Variants in PAFAH1B2 observed in about 807,000 individuals in gnomAD.
The protein encoded by PAFAH1B2 is platelet-activating factor acetylhydrolase IB subunit alpha2.
In PAFAH1B2, 8 loss-of-function variants were observed where a neutral mutation model predicts 28.0. The ratio of observed to expected loss-of-function variants is 0.29; its 90% CI spans 0.17 to 0.52. The LOEUF (loss-of-function observed/expected upper bound fraction) is 0.52, where lower values mean the gene tolerates loss of function less well. PAFAH1B2 is among the 20% of genes least tolerant of loss of function. PAFAH1B2 has a pLI of 0.97. For missense variants in PAFAH1B2, 190 were observed against 282.6 expected, an observed-to-expected ratio of 0.67 and a Z score of 2.35; for synonymous variants, 104 against 103.2, an observed-to-expected ratio of 1.01 and a Z score of -0.05.
At chr11:117,146,229 G>C (rs1166943052) in intron 1 of PAFAH1B2, among the ~76,000 whole-genome samples, 1 of 150,968 alleles carries the variant, frequency 6.6e-6, no homozygotes, top group South Asian at 2.1e-4. Flanking sequence ...CAAGCTTATA[G>C]GCATGTGCCA....
intron 1 of PAFAH1B2, among the ~76,000 whole-genome samples, chr11:117,148,051 T>C (rs552359241): frequency 6.7e-6 from 1 of 149,604 alleles, no homozygotes; most frequent in African/African-American, 2.5e-5. Flanking sequence ...TTTTCTTTTT[T>C]TTTTCTTTTT....
downstream of PAFAH1B2, among the ~76,000 whole-genome samples, chr11:117,171,329 A>T (rs1443445755): frequency 6.6e-6 from 1 of 152,184 alleles, no homozygotes; most frequent in East Asian, 1.9e-4. Context: ...GTTAGTCTGG[A>T]TTATAGGCTG....
chr11:117,171,512 G>C (rs375466162), downstream of PAFAH1B2: 12 of 581,072 alleles, frequency 2.1e-5, no homozygotes, highest in Non-Finnish European at 3.4e-5. Flanking sequence ...CTCCAGCCTG[G>C]GCAACAGAGC....
At chr11:117,160,104 AACTT>A (rs1413552468) in intron 3 of PAFAH1B2, 81 bp downstream of exon 3, 8 of 992,136 alleles carry the variant, frequency 8.1e-6, no homozygotes, top group East Asian at 2.4e-5. Context: ...TTCTGAGCTG[AACTT>A]ACTTATTTGT....
At chr11:117,165,755 G>T (rs1034046683) in intron 5 of PAFAH1B2, among the ~76,000 whole-genome samples, 1 of 152,078 alleles carries the variant, frequency 6.6e-6, no homozygotes, top group Non-Finnish European at 1.5e-5. Flanking sequence ...GTATGTGTTT[G>T]TTGGGTGAGC....
intron 1 of PAFAH1B2, among the ~76,000 whole-genome samples, chr11:117,150,196 T>C (rs1956117831): frequency 6.6e-6 from 1 of 152,192 alleles, no homozygotes; most frequent in Non-Finnish European, 1.5e-5. Flanking sequence ...GGTTGTTGTT[T>C]GTTTGAGATG....
intron 5 of PAFAH1B2, among the ~76,000 whole-genome samples, chr11:117,166,905 A>G (rs1009572089): frequency 1.3e-5 from 2 of 152,190 alleles, no homozygotes; most frequent in Non-Finnish European, 2.9e-5. Flanking sequence ...TAAGTTCCTG[A>G]GCTATAGCAG....
chr11:117,163,270 A>G (rs769641308), intron 4 of PAFAH1B2, among the ~76,000 whole-genome samples: 22 of 152,248 alleles, frequency 1.4e-4, no homozygotes, highest in Non-Finnish European at 2.9e-4. Context: ...AGCCTGGGCA[A>G]TATAGCATGA....
chr11:117,163,964 T>C, intron 5 of PAFAH1B2, 72 bp downstream of exon 5: 1 of 1,487,160 alleles, frequency 6.7e-7, no homozygotes, highest in Non-Finnish European at 9.3e-7. Flanking sequence ...GAAATGTGAT[T>C]GCTCATGAAT....
downstream of PAFAH1B2, among the ~76,000 whole-genome samples, chr11:117,174,340 C>T (rs971751082): frequency 6.6e-6 from 1 of 151,852 alleles, no homozygotes; most frequent in Non-Finnish European, 1.5e-5. Context: ...CCTGCCACCA[C>T]ACCCAGCTAA....
At chr11:117,173,004 C>T (rs1358245582), downstream of PAFAH1B2, among the ~76,000 whole-genome samples, 7 of 152,288 alleles carry the variant, frequency 4.6e-5, no homozygotes, top group South Asian at 2.1e-4. Context: ...CGGACCCAGC[C>T]GCCTGTCTTC....
intron 1 of PAFAH1B2, among the ~76,000 whole-genome samples, chr11:117,149,209 T>C (rs1365675006): frequency 2.6e-5 from 4 of 151,668 alleles, no homozygotes; most frequent in Admixed American, 1.3e-4. Context: ...CTCAGCTTGC[T>C]GAGTAGCTGA....
chr11:117,176,980 G>A (rs1208772881), downstream of PAFAH1B2: 1 of 151,876 alleles, frequency 6.6e-6, no homozygotes, highest in African/African-American at 2.4e-5. Context: ...GACTGAGGTG[G>A]GTGGATCACC....
intron 1 of PAFAH1B2, 91 bp from the exon 2 acceptor site, chr11:117,152,346 TTTAA>T: frequency 2.8e-6 from 2 of 726,102 alleles, no homozygotes; most frequent in Non-Finnish European, 2.4e-6. Context: ...CACATAAAAC[TTTAA>T]TTATTATTTA....
chr11:117,150,080 G>A (rs1028499982), intron 1 of PAFAH1B2, among the ~76,000 whole-genome samples: 38 of 152,232 alleles, frequency 2.5e-4, no homozygotes, highest in African/African-American at 8.9e-4. Flanking sequence ...TTTAAGCCTA[G>A]AATTGAACTT....
rs189920008 is a variant in PAFAH1B2 at position 117,169,653 on chromosome 11, A to G, written c.*1954A>G. The G allele has an allele frequency of 2.5e-5, 26 of 1,053,552 alleles. No individual in the cohort carries two copies. Among genetic ancestry groups the G allele is most frequent in the Non-Finnish European group, 3.0e-5 (26 of 871,336 alleles). 65.3% of individuals were successfully genotyped at this position (1,053,552 alleles called of 1,614,324 possible). Reference sequence around the variant, plus strand: ...TATCATGTCTTCATTAACAACAGAAAATCCACATGGTGTTTACTAAACTTG... The same window carrying G: ...TATCATGTCTTCATTAACAACAGAAGATCCACATGGTGTTTACTAAACTTG... On this transcript the variant is annotated 3_prime_UTR_variant, in exon 6 of 6. Transcript: ENST00000527958.
At chr11:117,163,563 C>T (rs1281189714) in intron 4 of PAFAH1B2, among the ~76,000 whole-genome samples, 1 of 151,846 alleles carries the variant, frequency 6.6e-6, no homozygotes, top group African/African-American at 2.4e-5. Flanking sequence ...GTCCCAGCTA[C>T]TCGGGAGGCT....
At chr11:117,172,399 TA>T (rs1956690202), downstream of PAFAH1B2, among the ~76,000 whole-genome samples, 1 of 1,790 alleles carries the variant, frequency 5.6e-4, no homozygotes, top group Non-Finnish European at 1.1e-3. Flanking sequence ...TATATATATA[TA>T]TATATTTTTT....
intron 1 of PAFAH1B2, 41 bp from the exon 2 acceptor site, chr11:117,152,400 C>T (rs1956171963): frequency 8.3e-7 from 1 of 1,199,006 alleles, no homozygotes; most frequent in African/African-American, 1.5e-5. Context: ...AACAAACCTT[C>T]CTGTTAACAA....
Sources: allele counts gnomAD v4.1 joint callset (sites outside exome capture counted in the v4.1 genomes callset), GRCh38; gene constraint gnomAD v4.1.1; transcripts MANE v1.5; gene names NCBI Gene and HGNC (gene_info 2026-07-23, HGNC 2026-07-21).